Variants in LRCH1 observed in about 807,000 individuals in gnomAD.
The protein encoded by LRCH1 is leucine-rich repeat and calponin homology domain-containing protein 1.
A neutral mutation model predicts 94.9 loss-of-function variants in LRCH1; 23 were observed. The observed-to-expected ratio is 0.24, with a 90% CI of 0.17 to 0.34. The LOEUF (loss-of-function observed/expected upper bound fraction) is 0.34, where lower values mean the gene tolerates loss of function less well. LRCH1 is among the 10% of genes least tolerant of loss of function. LRCH1 has a pLI of 1.00. For missense variants in LRCH1, 790 were observed against 945.9 expected (o/e 0.84, Z 2.16); for synonymous variants, 364 against 354.9 (o/e 1.03, Z -0.29).
chr13:46,619,064 T>TTTCCTTCCTTCC lies in LRCH1; in HGVS notation c.308-31098_308-31087dup, dbSNP rs764734614. 7.3e-3 allele frequency among the ~76,000 whole-genome samples: 842 copies of TTTCCTTCCTTCC among 114,662 alleles called. 14 individuals carry two copies. The highest frequency in any genetic ancestry group is 0.01 in the Non-Finnish European group (597 of 57,698). 75.2% of individuals were successfully genotyped at this position (114,662 alleles called of 152,430 possible). A position where few individuals can be genotyped will look rare whatever the true frequency, so the allele number is the denominator to read the frequency against. ...AGTTCTCTTTTCTTTTCTTTTCTTT[T>TTTCCTTCCTTCC]TTCCTTCCTTCCTTCCTTCCTTCCT... On this transcript the variant is annotated intron_variant, in intron 1 of 19. Coordinates refer to ENST00000389797, the MANE Select transcript of LRCH1 (RefSeq NM_001164211.2).
intron 1 of LRCH1, among the ~76,000 whole-genome samples, chr13:46,555,124 C>T (rs2050049749): frequency 6.6e-6 from 1 of 152,028 alleles, no homozygotes. Context: ...CAGGAATCGG[C>T]AAAAAAGAGG....
intron 1 of LRCH1, among the ~76,000 whole-genome samples, chr13:46,607,707 T>C (rs1228897535): frequency 1.3e-5 from 2 of 151,960 alleles, no homozygotes; most frequent in Non-Finnish European, 2.9e-5. Flanking sequence ...ATTAGTTTCA[T>C]TGAAAGTGTA....
At chr13:46,712,699 T>C in intron 15 of LRCH1, 102 bp downstream of exon 15, 1 of 1,078,574 alleles carries the variant, frequency 9.3e-7, no homozygotes, top group Non-Finnish European at 1.4e-6. Flanking sequence ...TTGTCAGTTC[T>C]GCTGAGCCGA....
At chr13:46,750,880 A>G (rs1874100815) in exon 19 of LRCH1, 2 of 375,082 alleles carry the variant, frequency 5.3e-6, no homozygotes, top group Non-Finnish European at 9.6e-6. Flanking sequence ...GAGCTGGAGG[A>G]AAAAAAAACT....
At chr13:46,658,752 A>T (rs1457304255) in intron 2 of LRCH1, among the ~76,000 whole-genome samples, 1 of 152,214 alleles carries the variant, frequency 6.6e-6, no homozygotes, top group Non-Finnish European at 1.5e-5. Context: ...AAGTGCTTGG[A>T]TTACAGGCGT....
chr13:46,598,589 AAC>A (rs1491009870), intron 1 of LRCH1, among the ~76,000 whole-genome samples: 2 of 107,262 alleles, frequency 1.9e-5, no homozygotes, highest in Non-Finnish European at 1.9e-5. Context: ...CACCACTAAC[AAC>A]AACAAAAAAA....
At chr13:46,623,415 A>G (rs1203315888) in intron 1 of LRCH1, among the ~76,000 whole-genome samples, 2 of 152,172 alleles carry the variant, frequency 1.3e-5, no homozygotes, top group African/African-American at 2.4e-5. Context: ...AAATATGATT[A>G]ATTTAAGAGT....
intron 1 of LRCH1, among the ~76,000 whole-genome samples, chr13:46,573,843 CA>C (rs2050267851): frequency 1.6e-5 from 1 of 62,848 alleles, no homozygotes; most frequent in African/African-American, 5.3e-5. Flanking sequence ...TGACTATAGT[CA>C]AATATATATA....
At position 46,743,571 on chromosome 13, in the gene LRCH1, C is replaced by T. The variant is rs987572028; in HGVS notation, c.*1723C>T. On this transcript the variant is annotated 3_prime_UTR_variant, in exon 20 of 20. Transcript: ENST00000389797. ...AATGAGCACCCTGAGCCATAAATTG[C>T]TTAATAAACACATTTTGGGTGATTA... The T allele has an allele frequency of 2.2e-5, 22 of 985,698 alleles. No homozygotes were observed. The highest frequency in any genetic ancestry group is 6.1e-5 in the Admixed American group (1 of 16,266). The allele number at this position is 985,698 out of a possible 1,614,324, so 61.1% of individuals were successfully genotyped here. A position where few individuals can be genotyped will look rare whatever the true frequency, so the allele number is the denominator to read the frequency against.
chr13:46,623,146 G>C (rs1469692335), intron 1 of LRCH1, among the ~76,000 whole-genome samples: 7 of 152,174 alleles, frequency 4.6e-5, no homozygotes, highest in Non-Finnish European at 1.0e-4. Flanking sequence ...AGCAGCTGGT[G>C]GTGGGCTGTA....
rs117226774 is a variant in LRCH1 at position 46,600,918 on chromosome 13, G to A, written c.307+47215G>A. On this transcript the variant is annotated intron_variant, in intron 1 of 19. Transcript: ENST00000389797. The stretch of plus-strand genomic sequence containing the variant: ...GCTTTAAAGCAATTTGATTGTCAAA[G>A]TCATGTTAGCTCTGGTTGTGTATTC... Among the ~76,000 whole-genome samples, 636 of 152,360 alleles carry A rather than the reference G, an allele frequency of 4.2e-3. 4 individuals carry two copies. The highest frequency in any genetic ancestry group is 7.7e-3 in the Admixed American group (118 of 15,304).
At chr13:46,665,142 A>G (rs1187666194) in intron 2 of LRCH1, among the ~76,000 whole-genome samples, 1 of 152,258 alleles carries the variant, frequency 6.6e-6, no homozygotes, top group East Asian at 1.9e-4. Flanking sequence ...ATATTCCAGT[A>G]GAATTTAAAA....
intron 8 of LRCH1, among the ~76,000 whole-genome samples, chr13:46,693,045 C>T (rs539535954): frequency 2.0e-5 from 3 of 149,320 alleles, no homozygotes; most frequent in East Asian, 2.0e-4. Flanking sequence ...GATCTTGGCT[C>T]ACCGCAACCT....
intron 3 of LRCH1, among the ~76,000 whole-genome samples, chr13:46,672,602 T>C (rs1302863303): frequency 6.6e-6 from 1 of 152,192 alleles, no homozygotes; most frequent in Non-Finnish European, 1.5e-5. Flanking sequence ...AGGGCTGACG[T>C]GTAAACAGCG....
chr13:46,645,527 A>G (rs916704659), intron 1 of LRCH1, among the ~76,000 whole-genome samples: 3 of 152,244 alleles, frequency 2.0e-5, no homozygotes, highest in Admixed American at 2.0e-4. Flanking sequence ...TTGACTTCAG[A>G]ATAAATTTGA....
chr13:46,556,848 AG>A (rs1178132985), intron 1 of LRCH1, among the ~76,000 whole-genome samples: 1 of 152,212 alleles, frequency 6.6e-6, no homozygotes, highest in Non-Finnish European at 1.5e-5. Context: ...GAATGTACTG[AG>A]CCCCTCTGAG....
At chr13:46,691,353 A>G (rs1870884523) in intron 7 of LRCH1, among the ~76,000 whole-genome samples, 1 of 152,250 alleles carries the variant, frequency 6.6e-6, no homozygotes, top group South Asian at 2.1e-4. Flanking sequence ...CTTTCTTCCA[A>G]AAATCACACA....
At chr13:46,638,613 T>C (rs773311527) in intron 1 of LRCH1, among the ~76,000 whole-genome samples, 8 of 152,352 alleles carry the variant, frequency 5.3e-5, no homozygotes, top group Admixed American at 2.0e-4. Context: ...ATTCATTTCT[T>C]TATGTTGGAA....
chr13:46,660,187 A>T (rs1271305366), intron 2 of LRCH1, among the ~76,000 whole-genome samples: 1 of 150,406 alleles, frequency 6.6e-6, no homozygotes, highest in Non-Finnish European at 1.5e-5. Flanking sequence ...AATTTTTTGT[A>T]TTTTTTTTAG....
Sources: allele counts gnomAD v4.1 joint callset (sites outside exome capture counted in the v4.1 genomes callset), GRCh38; gene constraint gnomAD v4.1.1; transcripts MANE v1.5; gene names NCBI Gene and HGNC (gene_info 2026-07-23, HGNC 2026-07-21).